PHF24: variants seen among roughly 807,000 people sequenced by gnomAD.
PHF24 encodes Galpha inhibitory interacting protein.
PHF24 carries 25 observed loss-of-function variants against 42.6 expected under a neutral mutation model. The observed-to-expected ratio is 0.59, with a 90% confidence interval of 0.43 to 0.82. The LOEUF (loss-of-function observed/expected upper bound fraction) is 0.82. Among genes scored for constraint, PHF24 ranks in the 40% least tolerant of loss-of-function variants. The pLI is 0.00. For missense variants in PHF24, 470 were observed against 538.1 expected (o/e 0.87, Z 1.25); for synonymous variants, 185 against 204.8 (o/e 0.90, Z 0.83).
At chr9:34,973,508 C>A (rs375013572) in intron 3 of PHF24, among the ~76,000 whole-genome samples, 1 of 152,166 alleles carries the variant, frequency 6.6e-6, no homozygotes, top group South Asian at 2.1e-4. Context: ...CTCACTACAC[C>A]TGAATAGAGT....
the PHF24 span, among the ~76,000 whole-genome samples, chr9:34,805,339 T>C: frequency 6.6e-6 from 1 of 152,224 alleles, no homozygotes; most frequent in Non-Finnish European, 1.5e-5. Context: ...GTATGAGGGT[T>C]CTATTTCTCC....
At chr9:34,724,062 G>A in the PHF24 span, 523,982 of 1,166,718 alleles carry the variant, frequency 0.45, 170,687 homozygotes, top group East Asian at 0.63. Context: ...CCTTCTCTGT[G>A]GTCCCTGGCT....
chr9:34,908,310 C>T, the PHF24 span, among the ~76,000 whole-genome samples: 18 of 152,246 alleles, frequency 1.2e-4, no homozygotes, highest in African/African-American at 4.1e-4. Flanking sequence ...ATAGACAATT[C>T]ATTGATCCCT....
chr9:34,764,026 C>T, the PHF24 span, among the ~76,000 whole-genome samples: 1 of 152,064 alleles, frequency 6.6e-6, no homozygotes, highest in Admixed American at 6.5e-5. Context: ...ATTGAACTAG[C>T]CTTGCATCCC....
chr9:34,706,362 C>T, the PHF24 span, among the ~76,000 whole-genome samples: 137 of 152,170 alleles, frequency 9.0e-4, no homozygotes, highest in Non-Finnish European at 1.7e-3. Context: ...ATAGGTAAAT[C>T]AAGAAACAGA....
the PHF24 span, among the ~76,000 whole-genome samples, chr9:34,946,878 A>T: frequency 6.6e-6 from 1 of 152,268 alleles, no homozygotes; most frequent in East Asian, 1.9e-4. Context: ...CTGATGAATA[A>T]GAAAGGGAAA....
chr9:34,963,241 G>A (rs904587966), intron 1 of PHF24, among the ~76,000 whole-genome samples: 4 of 149,466 alleles, frequency 2.7e-5, no homozygotes, highest in African/African-American at 7.4e-5. Context: ...AGACCCGCAC[G>A]AGAACTCTTT....
At chr9:34,793,556 A>G in the PHF24 span, among the ~76,000 whole-genome samples, 1 of 152,192 alleles carries the variant, frequency 6.6e-6, no homozygotes, top group Admixed American at 6.5e-5. Context: ...CCCAAGTTCA[A>G]TAGACCACTG....
the PHF24 span, among the ~76,000 whole-genome samples, chr9:34,700,372 A>G: frequency 6.6e-6 from 1 of 151,938 alleles, no homozygotes; most frequent in Non-Finnish European, 1.5e-5. Context: ...ATGATGGTGC[A>G]TGGAGTTGGT....
At chr9:34,850,205 T>A in the PHF24 span, among the ~76,000 whole-genome samples, 1 of 152,232 alleles carries the variant, frequency 6.6e-6, no homozygotes, top group South Asian at 2.1e-4. Flanking sequence ...GTTTTCCAAC[T>A]TGGTTCCATT....
In PHF24 at chr9:34,976,588, C is replaced by CG; in HGVS notation, c.703dup (p.Asp235GlyfsTer3). The stretch of plus-strand genomic sequence containing the variant: ...GCGTTACCGCCACCAAGCAGCCAAG[C>CG]GGGGGGACCGTGACAGGGCCCTGAG... On this transcript the variant is annotated frameshift_variant, in exon 5 of 8. Transcript: ENST00000242315. LOFTEE classifies it high-confidence loss of function. 1 of 1,614,114 alleles carries CG rather than the reference C, an allele frequency of 6.2e-7. No homozygotes were observed. Among genetic ancestry groups the CG allele is most frequent in the Non-Finnish European group, 8.5e-7 (1 of 1,179,968 alleles).
the PHF24 span, among the ~76,000 whole-genome samples, chr9:34,793,725 TA>T: frequency 2.6e-5 from 4 of 151,664 alleles, no homozygotes; most frequent in African/African-American, 7.3e-5. Flanking sequence ...AACACTCAGG[TA>T]AAGTGTGAAA....
the PHF24 span, among the ~76,000 whole-genome samples, chr9:34,908,484 G>T: frequency 3.9e-4 from 59 of 152,164 alleles, no homozygotes; most frequent in Non-Finnish European, 6.3e-4. Flanking sequence ...GTGCAGTGGA[G>T]AAAAATAAAG....
chr9:34,729,283 C>T, the PHF24 span: 1 of 1,551,820 alleles, frequency 6.4e-7, no homozygotes, highest in Non-Finnish European at 8.7e-7. Flanking sequence ...CACAGCCCTA[C>T]CCGGCAGCAG....
At chr9:34,909,863 G>A in the PHF24 span, among the ~76,000 whole-genome samples, 2 of 152,152 alleles carry the variant, frequency 1.3e-5, no homozygotes, top group Non-Finnish European at 2.9e-5. Flanking sequence ...TTCTGACCTC[G>A]TGATCTGCCC....
At chr9:34,851,328 G>A in the PHF24 span, among the ~76,000 whole-genome samples, 7 of 152,130 alleles carry the variant, frequency 4.6e-5, no homozygotes, top group African/African-American at 1.4e-4. Context: ...CCCCAGCCTC[G>A]CTGCCACCTT....
At chr9:34,724,248 G>C in the PHF24 span, 1 of 1,551,540 alleles carries the variant, frequency 6.4e-7, no homozygotes. Flanking sequence ...TCCCCACTGG[G>C]CTGTGAGATC....
the PHF24 span, among the ~76,000 whole-genome samples, chr9:34,842,935 A>G: frequency 1.3e-5 from 2 of 152,064 alleles, no homozygotes; most frequent in Admixed American, 1.3e-4. Context: ...TAATGGTATC[A>G]CTTTGGGGTT....
the PHF24 span, among the ~76,000 whole-genome samples, chr9:34,782,416 C>T: frequency 2.0e-5 from 3 of 152,288 alleles, no homozygotes; most frequent in African/African-American, 7.2e-5. Context: ...CAGTTTGCCT[C>T]CCTCACCCCA....
Sources: allele counts gnomAD v4.1 joint callset (sites outside exome capture counted in the v4.1 genomes callset), GRCh38; gene constraint gnomAD v4.1.1; transcripts MANE v1.5; gene names NCBI Gene and HGNC (gene_info 2026-07-23, HGNC 2026-07-21).